The following CNTLN variants were observed in gnomAD, a reference collection of about 807,000 sequenced individuals.
CNTLN encodes centlein, centrosomal protein.
CNTLN carries 212 observed loss-of-function variants against 180.0 expected under a neutral mutation model. The observed-to-expected ratio is 1.18, with a 90% CI of 1.05 to 1.32. CNTLN has a LOEUF of 1.32. Ranked by LOEUF, CNTLN falls within the 40% of genes most tolerant of loss-of-function variation. The pLI, the probability that CNTLN is intolerant of heterozygous loss-of-function variation, is 0.00. For missense variants in CNTLN, 2,095 were observed against 1,610.9 expected (o/e 1.30, Z -5.14); for synonymous variants, 722 against 563.1 (o/e 1.28, Z -3.99).
chr9:17,268,978 T>C (rs1406201766), intron 5 of CNTLN, among the ~76,000 whole-genome samples: 2 of 152,112 alleles, frequency 1.3e-5, no homozygotes, highest in Admixed American at 6.5e-5. Context: ...CCTGACCCCT[T>C]GTGCTTCCCG....
At chr9:17,464,342 A>G (rs1373180474) in intron 20 of CNTLN, among the ~76,000 whole-genome samples, 155 bp from the exon 21 acceptor site, 1 of 151,412 alleles carries the variant, frequency 6.6e-6, no homozygotes, top group African/African-American at 2.4e-5. Context: ...AAAGAACAAT[A>G]TCTTATGCAG....
chr9:17,240,281 A>G (rs1198917515), intron 5 of CNTLN, among the ~76,000 whole-genome samples: 2 of 152,136 alleles, frequency 1.3e-5, no homozygotes, highest in African/African-American at 2.4e-5. Flanking sequence ...TACATACACA[A>G]TTGAGTTTTG....
intron 2 of CNTLN, among the ~76,000 whole-genome samples, chr9:17,225,795 A>G (rs1824428405): frequency 6.6e-6 from 1 of 152,030 alleles, no homozygotes; most frequent in South Asian, 2.1e-4. Context: ...AATTCTAGTT[A>G]TAGGGTATCG....
chr9:17,420,094 C>T (rs547859080), intron 18 of CNTLN, among the ~76,000 whole-genome samples: 5 of 152,042 alleles, frequency 3.3e-5, no homozygotes, highest in South Asian at 2.1e-4. Flanking sequence ...TTTGTATTTT[C>T]GGTGGAGTTG....
chr9:17,298,364 T>A lies in CNTLN; in HGVS notation c.1146+12T>A, dbSNP rs1263088633. The A allele has an allele frequency of 1.4e-5, 23 of 1,603,870 alleles. 1 individual carries two copies. The East Asian group carries it at 5.1e-4, about 36-fold the overall frequency. ...TATCATATCAAAAAGTATGCTTTTA[T>A]TCTGTAATAAAGATGTAAATGTTTA... On this transcript the variant is annotated intron_variant, in intron 7 of 25. Coordinates refer to ENST00000380647, the MANE Select transcript of CNTLN (RefSeq NM_017738.4).
chr9:17,145,034 G>A (rs1226129530), intron 2 of CNTLN, among the ~76,000 whole-genome samples: 2 of 149,992 alleles, frequency 1.3e-5, no homozygotes, highest in African/African-American at 2.5e-5. Flanking sequence ...GTAGAGACGG[G>A]GTTTCACCTT....
At chr9:17,377,488 C>A (rs1824872942) in intron 13 of CNTLN, among the ~76,000 whole-genome samples, 2 of 152,114 alleles carry the variant, frequency 1.3e-5, no homozygotes. Flanking sequence ...TTGCAGTGAG[C>A]CAAGATTGCG....
chr9:17,202,578 C>T (rs1450935253), intron 2 of CNTLN, among the ~76,000 whole-genome samples: 2 of 148,012 alleles, frequency 1.4e-5, no homozygotes, highest in Non-Finnish European at 3.0e-5. Flanking sequence ...ATGTAATGCC[C>T]TTCTTTGTCT....
the CNTLN span, among the ~76,000 whole-genome samples, chr9:17,527,909 G>T: frequency 3.3e-5 from 5 of 152,006 alleles, no homozygotes; most frequent in African/African-American, 1.2e-4. Context: ...GGGGAAAAGA[G>T]TCCCCAGTGG....
At chr9:17,199,433 A>G (rs907756758) in intron 2 of CNTLN, among the ~76,000 whole-genome samples, 1 of 151,886 alleles carries the variant, frequency 6.6e-6, no homozygotes, top group Non-Finnish European at 1.5e-5. Flanking sequence ...GGATGGTCTC[A>G]ATCTCCTGAC....
intron 18 of CNTLN, among the ~76,000 whole-genome samples, chr9:17,431,324 T>C (rs1224078479): frequency 6.6e-6 from 1 of 152,158 alleles, no homozygotes; most frequent in African/African-American, 2.4e-5. Context: ...CATTTTTTCT[T>C]ATACCTTTTG....
intron 5 of CNTLN, among the ~76,000 whole-genome samples, chr9:17,268,823 G>T (rs1827711868): frequency 6.6e-6 from 1 of 151,892 alleles, no homozygotes; most frequent in South Asian, 2.1e-4. Context: ...GACTCTGTGG[G>T]CGTAGGACCC....
At chr9:17,510,702 G>A in the CNTLN span, among the ~76,000 whole-genome samples, 1 of 152,136 alleles carries the variant, frequency 6.6e-6, no homozygotes, top group Admixed American at 6.5e-5. Context: ...GCAGATTTTG[G>A]ACTTGCTAGG....
intron 3 of CNTLN, among the ~76,000 whole-genome samples, chr9:17,232,817 T>C (rs748246799): frequency 6.6e-6 from 1 of 151,962 alleles, no homozygotes; most frequent in African/African-American, 2.4e-5. Context: ...AATACTGAGA[T>C]AGTAAGGGAA....
intron 2 of CNTLN, among the ~76,000 whole-genome samples, chr9:17,156,487 C>G (rs1435305239): frequency 6.6e-6 from 1 of 151,906 alleles, no homozygotes; most frequent in African/African-American, 2.4e-5. Context: ...CATTTTTTTC[C>G]TCTTCCATCT....
In CNTLN at chr9:17,484,465, C is replaced by T. The variant is rs770883143; in HGVS notation, c.4026C>T (p.Asp1342=). 6 of 1,598,110 alleles carry T rather than the reference C, an allele frequency of 3.8e-6. No individual in the cohort carries two copies. The South Asian group carries it at 4.6e-5, about 12-fold the overall frequency. Residue 1342 remains aspartate (D), a synonymous_variant, in exon 24 of 26, where the codon GAC becomes GAT. Coordinates refer to ENST00000380647, the MANE Select transcript of CNTLN (RefSeq NM_017738.4). ...GGTCAGATTTAGAGGAAATATTAGACACAGAAGATCAAGTGGTAAGATCAT... is the reference window on the plus strand; with the variant it reads ...GGTCAGATTTAGAGGAAATATTAGATACAGAAGATCAAGTGGTAAGATCAT... ...ISRSDLEEIL[D]TEDQVEIEKT...
Position 17,462,929 on chromosome 9 carries a change from A to C in CNTLN, c.3320A>C (p.Glu1107Ala), listed in dbSNP as rs1400121267. ...LQYKLKNATNELTKQSSNVKT... is the reference protein window; with the variant it reads ...LQYKLKNATNALTKQSSNVKT... ...TTTTTAATCTAGAATGCTACTAATGAACTCACTAAACAGTCATCAAATGTG... is the reference window on the plus strand; with the variant it reads ...TTTTTAATCTAGAATGCTACTAATGCACTCACTAAACAGTCATCAAATGTG... Residue 1107 changes from glutamate (E) to alanine (A), a missense_variant, in exon 20 of 26, where the codon GAA becomes GCA. Coordinates refer to ENST00000380647, the MANE Select transcript of CNTLN (RefSeq NM_017738.4). 1 of 1,552,222 alleles carries C rather than the reference A, an allele frequency of 6.4e-7. No individual in the cohort carries two copies. The highest frequency in any genetic ancestry group is 8.7e-7 in the Non-Finnish European group (1 of 1,150,930).
intron 8 of CNTLN, among the ~76,000 whole-genome samples, chr9:17,328,339 A>G (rs965037801): frequency 2.0e-5 from 3 of 152,148 alleles, no homozygotes; most frequent in Admixed American, 1.3e-4. Flanking sequence ...TCCAACCAAC[A>G]TTTGAAAATT....
At chr9:17,286,846 A>T in intron 6 of CNTLN, among the ~76,000 whole-genome samples, 1 of 124,394 alleles carries the variant, frequency 8.0e-6, no homozygotes, top group African/African-American at 3.5e-5. Flanking sequence ...TGATTTTTGT[A>T]CATTGATTTT....
Sources: allele counts gnomAD v4.1 joint callset (sites outside exome capture counted in the v4.1 genomes callset), GRCh38; gene constraint gnomAD v4.1.1; transcripts MANE v1.5; gene names NCBI Gene and HGNC (gene_info 2026-07-23, HGNC 2026-07-21).